Variants in MYO3A observed in about 807,000 individuals in gnomAD.
MYO3A encodes the protein myosin-IIIa.
In MYO3A, 180 loss-of-function variants were observed where a neutral mutation model predicts 192.7. That is an observed-to-expected ratio of 0.93 (90% CI 0.83 to 1.06). The LOEUF is 1.06. Among genes scored for constraint, MYO3A ranks in the 50% least tolerant of loss-of-function variants. MYO3A has a pLI of 0.00. For missense variants in MYO3A, 1,896 were observed against 1,905.0 expected, an observed-to-expected ratio of 1.00 and a Z score of 0.09; for synonymous variants, 628 against 645.3, an observed-to-expected ratio of 0.97 and a Z score of 0.41.
chr10:26,116,830 A>T (rs1255001235), intron 17 of MYO3A, among the ~76,000 whole-genome samples: 1 of 152,152 alleles, frequency 6.6e-6, no homozygotes, highest in Non-Finnish European at 1.5e-5. Context: ...TACTCCATAG[A>T]TGCCAGTAGC....
At chr10:26,162,215 T>C (rs1465428921) in intron 26 of MYO3A, among the ~76,000 whole-genome samples, 1 of 152,258 alleles carries the variant, frequency 6.6e-6, no homozygotes, top group Non-Finnish European at 1.5e-5. Context: ...AGACCGGGTA[T>C]TTTTAATGAA....
intron 10 of MYO3A, among the ~76,000 whole-genome samples, chr10:26,059,015 T>C (rs987996687): frequency 1.8e-4 from 21 of 114,940 alleles, no homozygotes; most frequent in African/African-American, 5.0e-4. Context: ...AGGAAAGCAG[T>C]GACTTTTTTA....
At chr10:26,208,443 C>G (rs1294373237) in intron 34 of MYO3A, among the ~76,000 whole-genome samples, 1 of 152,174 alleles carries the variant, frequency 6.6e-6, no homozygotes, top group Non-Finnish European at 1.5e-5. Context: ...CCACTTCTTA[C>G]TAGCCATGGC....
Position 26,125,493 on chromosome 10 carries a change from A to C in MYO3A, c.1999A>C (p.Thr667Pro), listed in dbSNP as rs777374796. 1 of 1,613,952 alleles carries C rather than the reference A, an allele frequency of 6.2e-7. No homozygotes were observed. The highest frequency in any genetic ancestry group is 1.3e-5 in the African/African-American group (1 of 74,928). ...TRGETIIRPN[T>P]VEKATDVRDA... is the part of the protein sequence containing the mutation. ...AGGAGAAACAATTATACGACCCAAT[A>C]CTGTAGAAAAAGCTACCGATGTCAG... The change falls in exon 19 of 35, where the codon ACT becomes CCT. Residue 667 changes from threonine (T) to proline (P), a missense_variant. Coordinates refer to ENST00000642920, the MANE Select transcript of MYO3A (RefSeq NM_017433.5).
intron 10 of MYO3A, among the ~76,000 whole-genome samples, chr10:26,066,617 C>G (rs1378486764): frequency 6.6e-6 from 1 of 152,208 alleles, no homozygotes; most frequent in Admixed American, 6.5e-5. Context: ...TGACCTAACA[C>G]TATCTCCAAC....
At chr10:26,106,380 GT>G (rs1297822165) in intron 17 of MYO3A, among the ~76,000 whole-genome samples, 2 of 151,928 alleles carry the variant, frequency 1.3e-5, no homozygotes, top group Non-Finnish European at 2.9e-5. Context: ...TAATAACTAT[GT>G]TAAGGTTTTT....
At chr10:26,080,009 G>C (rs1835821564) in intron 14 of MYO3A, among the ~76,000 whole-genome samples, 1 of 152,024 alleles carries the variant, frequency 6.6e-6, no homozygotes, top group Non-Finnish European at 1.5e-5. Flanking sequence ...CCTAGATGAA[G>C]ACCTTATTGT....
chr10:25,936,918 A>AT (rs761418579), intron 2 of MYO3A, among the ~76,000 whole-genome samples: 3 of 151,948 alleles, frequency 2.0e-5, no homozygotes, highest in African/African-American at 7.3e-5. Flanking sequence ...GTTAATATCC[A>AT]TTTTTCCTGA....
chr10:26,205,425 T>C (rs1325512507), intron 34 of MYO3A, among the ~76,000 whole-genome samples: 1 of 147,782 alleles, frequency 6.8e-6, no homozygotes, highest in East Asian at 2.0e-4. Context: ...ACCAGTGCCC[T>C]GGTAACTACT....
chr10:25,965,371 A>T (rs557543555), intron 4 of MYO3A, among the ~76,000 whole-genome samples: 2 of 152,082 alleles, frequency 1.3e-5, no homozygotes, highest in African/African-American at 4.8e-5. Flanking sequence ...CATGATTCTG[A>T]TTGGTACCCT....
intron 2 of MYO3A, among the ~76,000 whole-genome samples, chr10:25,947,672 C>T (rs1315306211): frequency 3.9e-5 from 6 of 152,014 alleles, no homozygotes; most frequent in Non-Finnish European, 7.4e-5. Flanking sequence ...GGATTACAGG[C>T]GTGAGCCACT....
intron 4 of MYO3A, among the ~76,000 whole-genome samples, chr10:25,979,264 A>G (rs997584927): frequency 6.6e-6 from 1 of 152,176 alleles, no homozygotes; most frequent in African/African-American, 2.4e-5. Context: ...TTAACTATTA[A>G]AAATTTCCTG....
At chr10:26,175,632 A>T (rs530037759) in intron 30 of MYO3A, among the ~76,000 whole-genome samples, 8 of 152,218 alleles carry the variant, frequency 5.3e-5, no homozygotes, top group African/African-American at 1.9e-4. Context: ...TCTAGCTGTC[A>T]GTAGAGATCT....
intron 23 of MYO3A, among the ~76,000 whole-genome samples, chr10:26,152,669 CA>C (rs1840863692): frequency 6.6e-6 from 1 of 152,226 alleles, no homozygotes; most frequent in South Asian, 2.1e-4. Flanking sequence ...CGTTGATCTA[CA>C]TAAATAAATT....
At chr10:26,044,866 T>G (rs562050318) in intron 10 of MYO3A, among the ~76,000 whole-genome samples, 1 of 152,306 alleles carries the variant, frequency 6.6e-6, no homozygotes, top group Admixed American at 6.5e-5. Flanking sequence ...AATTAGCACA[T>G]AACATATAGA....
chr10:25,991,726 A>C (rs986740452), intron 4 of MYO3A, among the ~76,000 whole-genome samples: 6 of 152,182 alleles, frequency 3.9e-5, no homozygotes, highest in Non-Finnish European at 5.9e-5. Flanking sequence ...TCAGCTTTCT[A>C]CATATGACTA....
chr10:26,125,528 G>A lies in MYO3A; in HGVS notation c.2034G>A (p.Met678Ile), dbSNP rs1839168971. Reference sequence around the variant, plus strand: ...AAGCTACCGATGTCAGGGATGCCATGGCTAAAACTTTATATGGACGTCTCT... The same window carrying A: ...AAGCTACCGATGTCAGGGATGCCATAGCTAAAACTTTATATGGACGTCTCT... ...VEKATDVRDAMAKTLYGRLFS... is the reference protein window; with the variant it reads ...VEKATDVRDAIAKTLYGRLFS... The change falls in exon 19 of 35, where the codon ATG becomes ATA. Residue 678 changes from methionine (M) to isoleucine (I), a missense_variant. Transcript: ENST00000642920. The A allele has an allele frequency of 3.1e-6, 5 of 1,614,024 alleles. No homozygotes were observed. Among genetic ancestry groups the A allele is most frequent in the African/African-American group, 1.3e-5 (1 of 75,036 alleles).
chr10:26,189,989 G>A (rs1282086789), intron 31 of MYO3A, among the ~76,000 whole-genome samples: 1 of 152,096 alleles, frequency 6.6e-6, no homozygotes, highest in African/African-American at 2.4e-5. Context: ...CTTGAACCAG[G>A]GAGGCAGAGG....
At chr10:25,957,448 C>T (rs953621861) in intron 4 of MYO3A, among the ~76,000 whole-genome samples, 3 of 152,102 alleles carry the variant, frequency 2.0e-5, no homozygotes, top group Non-Finnish European at 4.4e-5. Context: ...GTAAATTGTC[C>T]AGTCTCGTGT....
Sources: allele counts gnomAD v4.1 joint callset (sites outside exome capture counted in the v4.1 genomes callset), GRCh38; gene constraint gnomAD v4.1.1; transcripts MANE v1.5; gene names NCBI Gene and HGNC (gene_info 2026-07-23, HGNC 2026-07-21).